The following VWA8 variants were observed in gnomAD, a reference collection of about 807,000 sequenced individuals.
The protein encoded by VWA8 is von Willebrand factor A domain containing 8.
In VWA8, 221 loss-of-function variants were observed where a neutral mutation model predicts 241.5. The ratio of observed to expected loss-of-function variants is 0.91; its 90% confidence interval spans 0.82 to 1.02. The LOEUF is 1.02. Among genes scored for constraint, VWA8 ranks in the 50% least tolerant of loss-of-function variants. The probability of loss-of-function intolerance (pLI) is 0.00; values close to 1 mark genes in which losing one functional copy is unlikely to be tolerated. For missense variants in VWA8, 2,322 were observed against 2,328.7 expected (o/e 1.00, Z 0.06); for synonymous variants, 852 against 827.1 (o/e 1.03, Z -0.52).
chr13:41,869,047 C>A (rs1261885344), intron 9 of VWA8, among the ~76,000 whole-genome samples: 1 of 151,992 alleles, frequency 6.6e-6, no homozygotes, highest in Non-Finnish European at 1.5e-5. Flanking sequence ...AATGGAATCA[C>A]TGAATTCCTG....
At chr13:41,866,388 T>C (rs11618722) in intron 10 of VWA8, among the ~76,000 whole-genome samples, 33,692 of 147,966 alleles carry the variant, frequency 0.23, 3,830 homozygotes, top group East Asian at 0.33. Context: ...TGTGTGTGTG[T>C]GCGCGTGTGT....
At chr13:41,849,060 C>G (rs1365043843) in intron 12 of VWA8, among the ~76,000 whole-genome samples, 1 of 152,206 alleles carries the variant, frequency 6.6e-6, no homozygotes, top group Non-Finnish European at 1.5e-5. Flanking sequence ...CCTTTTCCTT[C>G]TCTGTTATTT....
At chr13:41,729,465 C>T in intron 23 of VWA8, 77 bp downstream of exon 23, 1 of 1,365,754 alleles carries the variant, frequency 7.3e-7, no homozygotes, top group Middle Eastern at 2.2e-4. Context: ...AATAAGTAGG[C>T]AGCTAAGTTT....
rs71096547 is a variant in VWA8, at chr13:41,831,613, G to GTTTTTT, written c.1587-977_1587-972dup. ...TTCTGATGGTGAAGCCCAGGCATGA[G>GTTTTTT]TTTTTTTTTTTTTTTTTTTTTTTGA... On this transcript the variant is annotated intron_variant, in intron 13 of 44. Transcript: ENST00000379310. Among the ~76,000 whole-genome samples the GTTTTTT allele has an allele frequency of 2.5e-4, 28 of 113,408 alleles. 1 individual carries two copies. Among genetic ancestry groups the GTTTTTT allele is most frequent in the East Asian group, 5.5e-4 (2 of 3,662 alleles). The allele number at this position is 113,408 out of a possible 152,430, so 74.4% of individuals were successfully genotyped here. A position where few individuals can be genotyped will look rare whatever the true frequency, so the allele number is the denominator to read the frequency against.
At chr13:41,615,188 T>C in intron 37 of VWA8, 104 bp from the exon 38 acceptor site, 1 of 1,155,962 alleles carries the variant, frequency 8.7e-7, no homozygotes, top group Non-Finnish European at 1.2e-6. Flanking sequence ...AGGTATCACA[T>C]AACCTCAGGC....
intron 21 of VWA8, among the ~76,000 whole-genome samples, chr13:41,735,085 T>C (rs1367873138): frequency 6.6e-6 from 1 of 152,192 alleles, no homozygotes; most frequent in Non-Finnish European, 1.5e-5. Flanking sequence ...ATATTAATTG[T>C]TAATATTCTA....
chr13:41,718,897 G>A (rs570982321), intron 26 of VWA8, among the ~76,000 whole-genome samples: 4 of 151,800 alleles, frequency 2.6e-5, no homozygotes, highest in Middle Eastern at 3.4e-3. Context: ...AGACAAAGAT[G>A]GTATTAGATG....
intron 35 of VWA8, among the ~76,000 whole-genome samples, chr13:41,679,697 C>CTGAT (rs2045084294): frequency 6.6e-6 from 1 of 152,136 alleles, no homozygotes; most frequent in South Asian, 2.1e-4. Flanking sequence ...TTATAAAAGG[C>CTGAT]TGATATACAT....
intron 2 of VWA8, among the ~76,000 whole-genome samples, chr13:41,946,018 G>C (rs1877833817): frequency 6.6e-6 from 1 of 151,434 alleles, no homozygotes; most frequent in African/African-American, 2.4e-5. Flanking sequence ...TGATAGCAGA[G>C]AAAAACTGAC....
At chr13:41,941,594 G>A (rs1233217341) in intron 2 of VWA8, among the ~76,000 whole-genome samples, 2 of 152,142 alleles carry the variant, frequency 1.3e-5, no homozygotes, top group African/African-American at 4.8e-5. Flanking sequence ...AAGACTAAAT[G>A]AAGACTAAAA....
At chr13:41,628,476 G>T (rs987522502) in intron 37 of VWA8, among the ~76,000 whole-genome samples, 1 of 152,106 alleles carries the variant, frequency 6.6e-6, no homozygotes, top group Admixed American at 6.5e-5. Flanking sequence ...TTTAAAATGT[G>T]CATGTATGCT....
intron 36 of VWA8, among the ~76,000 whole-genome samples, chr13:41,671,351 T>C (rs1368207786): frequency 6.6e-6 from 1 of 152,064 alleles, no homozygotes; most frequent in Non-Finnish European, 1.5e-5. Flanking sequence ...TGCCCAGGGT[T>C]CGTAAGCAAA....
At chr13:41,724,975 T>C (rs1416903201) in intron 24 of VWA8, among the ~76,000 whole-genome samples, 1 of 152,114 alleles carries the variant, frequency 6.6e-6, no homozygotes, top group Middle Eastern at 3.2e-3. Flanking sequence ...TTGTTAAGAA[T>C]CTGAAATGAG....
At chr13:41,922,291 G>A (rs760974943) in intron 2 of VWA8, among the ~76,000 whole-genome samples, 4 of 152,182 alleles carry the variant, frequency 2.6e-5, no homozygotes, top group Non-Finnish European at 5.9e-5. Context: ...ATTCAAGATG[G>A]ATTAAAGGCT....
chr13:41,910,353 G>A (rs1193663177), intron 3 of VWA8, among the ~76,000 whole-genome samples: 2 of 152,120 alleles, frequency 1.3e-5, no homozygotes, highest in Admixed American at 6.5e-5. Flanking sequence ...CTGGGAGGCC[G>A]AGGCAGATGG....
intron 4 of VWA8, among the ~76,000 whole-genome samples, chr13:41,903,394 C>T (rs1875549689): frequency 6.6e-6 from 1 of 152,018 alleles, no homozygotes; most frequent in Non-Finnish European, 1.5e-5. Flanking sequence ...GCAAGATAGA[C>T]AGTTATATTC....
At chr13:41,848,408 C>T (rs1170486310) in intron 12 of VWA8, among the ~76,000 whole-genome samples, 23 of 152,004 alleles carry the variant, frequency 1.5e-4, no homozygotes, top group Admixed American at 1.4e-3. Flanking sequence ...TGGCTGTGTC[C>T]CCACCCAAAT....
intron 9 of VWA8, among the ~76,000 whole-genome samples, chr13:41,874,556 G>A (rs931596227): frequency 6.6e-5 from 10 of 152,048 alleles, no homozygotes; most frequent in Non-Finnish European, 7.4e-5. Flanking sequence ...CAAACAGAGA[G>A]CCAAATCATG....
intron 5 of VWA8, 54 bp from the exon 6 acceptor site, chr13:41,887,415 G>A (rs1874601304): frequency 2.6e-6 from 4 of 1,547,494 alleles, no homozygotes; most frequent in East Asian, 2.3e-5. Context: ...AATCACAACT[G>A]TAAGAGCTGC....
Sources: allele counts gnomAD v4.1 joint callset (sites outside exome capture counted in the v4.1 genomes callset), GRCh38; gene constraint gnomAD v4.1.1; transcripts MANE v1.5; gene names NCBI Gene and HGNC (gene_info 2026-07-23, HGNC 2026-07-21).